MED12L: variants seen among roughly 807,000 people sequenced by gnomAD.
The protein encoded by MED12L is mediator complex subunit 12L.
In MED12L, 60 loss-of-function variants were observed where a neutral mutation model predicts 281.3. The observed-to-expected ratio is 0.21, with a 90% CI of 0.17 to 0.26. MED12L has a LOEUF of 0.26. MED12L is among the 10% of genes least tolerant of loss of function. MED12L has a pLI of 1.00. For synonymous variants in MED12L, 974 were observed against 987.2 expected, an observed-to-expected ratio of 0.99 and a Z score of 0.25; for missense variants, 2,146 against 2,680.9, an observed-to-expected ratio of 0.80 and a Z score of 4.41.
chr3:151,372,545 C>T (rs768378660), intron 26 of MED12L, 22 bp from the exon 27 acceptor site: 1 of 1,598,458 alleles, frequency 6.3e-7, no homozygotes, highest in Admixed American at 1.7e-5. Context: ...TGTGATTTTG[C>T]TTTTGTGATT....
intron 38 of MED12L, 107 bp from the exon 39 acceptor site, chr3:151,394,549 T>C: frequency 6.5e-7 from 1 of 1,529,454 alleles, no homozygotes; most frequent in Non-Finnish European, 8.8e-7. Context: ...TTTTCTACTT[T>C]GTTCATAAAG....
intron 5 of MED12L, among the ~76,000 whole-genome samples, chr3:151,134,282 G>A (rs1426061137): frequency 6.6e-6 from 1 of 151,280 alleles, no homozygotes; most frequent in Non-Finnish European, 1.5e-5. Context: ...CAGTGATACA[G>A]TGTTCCCCAT....
chr3:151,335,575 A>T (rs2149909007), intron 16 of MED12L, among the ~76,000 whole-genome samples: 1 of 152,296 alleles, frequency 6.6e-6, no homozygotes, highest in East Asian at 1.9e-4. Context: ...TGAACTTTTC[A>T]CATCTGGACC....
chr3:151,376,336 A>G, intron 28 of MED12L, 122 bp downstream of exon 28: 4 of 793,514 alleles, frequency 5.0e-6, no homozygotes, highest in Non-Finnish European at 7.3e-6. Context: ...TTTTATTCCC[A>G]CACATTTTCT....
chr3:151,321,918 A>G (rs1004982211), intron 16 of MED12L, among the ~76,000 whole-genome samples: 5 of 151,140 alleles, frequency 3.3e-5, no homozygotes, highest in Non-Finnish European at 5.9e-5. Context: ...ATTTTTTTCT[A>G]TAAGGACTTC....
At chr3:151,424,206 G>T (rs1174481053) in intron 43 of MED12L, among the ~76,000 whole-genome samples, 1 of 152,064 alleles carries the variant, frequency 6.6e-6, no homozygotes, top group African/African-American at 2.4e-5. Flanking sequence ...TTTTCTTTTG[G>T]AAGGAAAAGA....
At chr3:151,386,963 G>A (rs1403149119) in intron 36 of MED12L, among the ~76,000 whole-genome samples, 2 of 152,130 alleles carry the variant, frequency 1.3e-5, no homozygotes, top group East Asian at 1.9e-4. Flanking sequence ...ACCCGCCTCA[G>A]CCTCACCAAG....
At chr3:151,155,584 G>A (rs143887278) in intron 5 of MED12L, among the ~76,000 whole-genome samples, 2 of 152,322 alleles carry the variant, frequency 1.3e-5, no homozygotes, top group East Asian at 3.9e-4. Context: ...GGCAGTGCGG[G>A]TTGGAATGCT....
At chr3:151,366,167 G>GA (rs768966828) in intron 23 of MED12L, among the ~76,000 whole-genome samples, 176 bp downstream of exon 23, 5 of 151,812 alleles carry the variant, frequency 3.3e-5, no homozygotes, top group South Asian at 4.2e-4. Context: ...TTAAATACAT[G>GA]AAAAAAAATA....
intron 16 of MED12L, among the ~76,000 whole-genome samples, chr3:151,230,568 C>T (rs1980143): frequency 0.55 from 81,687 of 149,580 alleles, 22,553 homozygotes; most frequent in Middle Eastern, 0.63. Flanking sequence ...TTTTACTCCA[C>T]GCTTTTTTTT....
At chr3:151,425,086 T>G (rs530599361) in intron 43 of MED12L, among the ~76,000 whole-genome samples, 39 of 152,274 alleles carry the variant, frequency 2.6e-4, no homozygotes, top group Non-Finnish European at 4.1e-4. Context: ...AAAAAAACCT[T>G]TGTTAAAATC....
chr3:151,295,225 G>A, intron 16 of MED12L: 3 of 1,575,820 alleles, frequency 1.9e-6, no homozygotes, highest in Non-Finnish European at 2.6e-6. Flanking sequence ...TAGGAGAAGT[G>A]GGGAGATAGG....
chr3:151,178,505 G>T (rs1024236939), intron 11 of MED12L, among the ~76,000 whole-genome samples: 1 of 152,198 alleles, frequency 6.6e-6, no homozygotes. Flanking sequence ...AAAGGCCATT[G>T]TGTATTGTGT....
chr3:151,345,504 C>CT (rs11391975), intron 16 of MED12L, among the ~76,000 whole-genome samples: 64,458 of 143,692 alleles, frequency 0.45, 14,719 homozygotes, highest in Middle Eastern at 0.63. Context: ...CGTTTTCTTT[C>CT]TTTTTTCTTT....
chr3:151,121,611 G>A (rs1377277300), intron 3 of MED12L, among the ~76,000 whole-genome samples: 5 of 152,286 alleles, frequency 3.3e-5, no homozygotes, highest in Admixed American at 6.5e-5. Flanking sequence ...GAAATTAACT[G>A]CATCATTGTA....
intron 16 of MED12L, chr3:151,203,314 A>G (rs778074477): frequency 6.6e-6 from 1 of 152,136 alleles, no homozygotes; most frequent in Non-Finnish European, 1.5e-5. Flanking sequence ...AAAGTCTCCT[A>G]AAGAAGTTTT....
chr3:151,165,438 G>C lies in MED12L; in HGVS notation c.1276G>C (p.Glu426Gln), dbSNP rs765477872. 1 of 1,613,918 alleles carries C rather than the reference G, an allele frequency of 6.2e-7. No individual in the cohort carries two copies. The highest frequency in any genetic ancestry group is 2.2e-5 in the East Asian group (1 of 44,874). ...FNQQVRARIY[E>Q]VEQQIKQRGR... The stretch of plus-strand genomic sequence containing the variant: ...CTTTCAGGTTCGGGCAAGGATTTAT[G>C]AAGTAGAACAACAGATAAAACAAAG... The change falls in exon 10 of 45, where the codon GAA becomes CAA. Residue 426 changes from glutamate to glutamine, a missense_variant. Transcript: ENST00000687756.
chr3:151,363,699 T>C (rs73008510), intron 21 of MED12L, among the ~76,000 whole-genome samples: 3,366 of 152,294 alleles, frequency 0.022, 121 homozygotes, highest in African/African-American at 0.078. Context: ...TAGTCCTCTT[T>C]GTTAGAGTAG....
intron 25 of MED12L, among the ~76,000 whole-genome samples, chr3:151,368,829 T>G (rs947949265): frequency 6.7e-6 from 1 of 148,554 alleles, no homozygotes; most frequent in African/African-American, 2.5e-5. Context: ...TGGTGTGATC[T>G]CGGCTCACTG....
Sources: gnomAD v4.1 joint callset for allele counts (sites outside exome capture counted in the v4.1 genomes callset) on GRCh38, gnomAD v4.1.1 for gene constraint, MANE v1.5 for transcripts, NCBI Gene and HGNC (gene_info 2026-07-23, HGNC 2026-07-21) for gene names.